The following TSPAN13 variants were observed in gnomAD, a reference collection of about 807,000 sequenced individuals.
The protein encoded by TSPAN13 is tetraspanin-13.
A neutral mutation model predicts 26.9 loss-of-function variants in TSPAN13; 18 were observed. The ratio of observed to expected loss-of-function variants is 0.67; its 90% CI spans 0.46 to 0.99. The LOEUF is 0.99. Among genes scored for constraint, TSPAN13 ranks in the 50% least tolerant of loss-of-function variants. The pLI is 0.00. For synonymous variants in TSPAN13, 116 were observed against 98.4 expected (o/e 1.18, Z -1.06); for missense variants, 201 against 249.6 (o/e 0.81, Z 1.31).
intron 5 of TSPAN13, among the ~76,000 whole-genome samples, chr7:16,780,060 C>G (rs1282192092): frequency 6.6e-6 from 1 of 151,634 alleles, no homozygotes. Flanking sequence ...CATGAGCCAC[C>G]GTGCCTGGCC....
At chr7:16,775,970 G>GT (rs1377967060) in intron 1 of TSPAN13, 1 of 399,410 alleles carries the variant, frequency 2.5e-6, no homozygotes, top group African/African-American at 2.0e-5. Flanking sequence ...AGAATTTTGC[G>GT]TATTATCAGT....
intron 4 of TSPAN13, among the ~76,000 whole-genome samples, chr7:16,778,558 G>A (rs1562521225): frequency 6.6e-6 from 1 of 152,196 alleles, no homozygotes; most frequent in Non-Finnish European, 1.5e-5. Flanking sequence ...TTCAGTCTTT[G>A]TGGCTGTGGG....
intron 1 of TSPAN13, chr7:16,775,981 C>CTTTT: frequency 2.5e-6 from 1 of 405,556 alleles, no homozygotes. Flanking sequence ...TATTATCAGT[C>CTTTT]TTTTTTTTTC....
chr7:16,770,934 A>G (rs1176772668), intron 1 of TSPAN13, among the ~76,000 whole-genome samples: 1 of 152,136 alleles, frequency 6.6e-6, no homozygotes, highest in African/African-American at 2.4e-5. Context: ...TTTTGAAGAG[A>G]CTGAAAAGTC....
rs767409213 is a variant in TSPAN13 at position 16,753,959 on chromosome 7, G to A, written c.-9G>A. 45 of 1,612,182 alleles carry A rather than the reference G, an allele frequency of 2.8e-5. No individual in the cohort carries two copies. Among genetic ancestry groups the A allele is most frequent in the Non-Finnish European group, 3.1e-5 (37 of 1,179,240 alleles). On this transcript the variant is annotated 5_prime_UTR_variant, in exon 1 of 6. Coordinates refer to ENST00000262067, the MANE Select transcript of TSPAN13 (RefSeq NM_014399.4). Reference sequence around the variant, plus strand: ...TTACGTGCAGCTGCCGGCAACCACAGGTTCCAAGATGGTTTGCGGGGGCTT... The same window carrying A: ...TTACGTGCAGCTGCCGGCAACCACAAGTTCCAAGATGGTTTGCGGGGGCTT...
chr7:16,761,554 T>C (rs1336130454), intron 1 of TSPAN13, among the ~76,000 whole-genome samples: 3 of 152,106 alleles, frequency 2.0e-5, no homozygotes, highest in Non-Finnish European at 2.9e-5. Context: ...GGTCTCACTC[T>C]GTCACTAAGG....
rs1158350910 is a variant in TSPAN13, at chr7:16,783,637, T to G, written c.*146T>G. ...AGTGGAATTATATATTTTTACTCTATGTTTCTCTACATGTTTTTTTCTTTC... is the reference window on the plus strand; with the variant it reads ...AGTGGAATTATATATTTTTACTCTAGGTTTCTCTACATGTTTTTTTCTTTC... On this transcript the variant is annotated 3_prime_UTR_variant, in exon 6 of 6. Transcript: ENST00000262067. 1.1e-5 allele frequency: 8 copies of G among 746,430 alleles called. No homozygotes were observed. In the Admixed American group the frequency reaches 2.0e-4, roughly 18 times the overall value. The allele number at this position is 746,430 out of a possible 1,614,324, so 46.2% of individuals were successfully genotyped here. A position where few individuals can be genotyped will look rare whatever the true frequency, so the allele number is the denominator to read the frequency against.
At chr7:16,767,493 A>G (rs928998924) in intron 1 of TSPAN13, among the ~76,000 whole-genome samples, 1 of 152,188 alleles carries the variant, frequency 6.6e-6, no homozygotes, top group Non-Finnish European at 1.5e-5. Context: ...TTTTTACTGT[A>G]ACAAACAAGG....
intron 1 of TSPAN13, among the ~76,000 whole-genome samples, chr7:16,772,337 G>C (rs1024976253): frequency 3.3e-5 from 5 of 152,054 alleles, no homozygotes; most frequent in African/African-American, 1.2e-4. Context: ...TTCTTTTCTA[G>C]GACTGCTGTA....
chr7:16,773,116 CA>C lies in TSPAN13; in HGVS notation c.64-3094del, dbSNP rs373322648. On this transcript the variant is annotated intron_variant, in intron 1 of 5. Transcript: ENST00000262067. ...TGTTTATCTGAATTTTTTTGTGTGT[CA>C]GGGGGAGATTATTGTTCTATACTCT... 2.9e-3 allele frequency among the ~76,000 whole-genome samples: 440 copies of C among 149,654 alleles called. 5 individuals are homozygous for C. The highest frequency in any genetic ancestry group is 9.1e-3 in the African/African-American group (368 of 40,220).
intron 1 of TSPAN13, among the ~76,000 whole-genome samples, chr7:16,764,432 T>C (rs965482752): frequency 6.6e-6 from 1 of 152,160 alleles, no homozygotes; most frequent in African/African-American, 2.4e-5. Context: ...ATCTCAAATA[T>C]ATTAAGTTTC....
chr7:16,775,121 T>C (rs181244685), intron 1 of TSPAN13, among the ~76,000 whole-genome samples: 11 of 152,328 alleles, frequency 7.2e-5, no homozygotes, highest in Admixed American at 7.2e-4. Context: ...CCTAATTGGG[T>C]ATTATGCTGT....
At position 16,753,919 on chromosome 7, in the gene TSPAN13, C is replaced by G. The variant is rs1010775394; in HGVS notation, c.-49C>G. ...GGACAAAGCAGCTGTCAGGGAACCT[C>G]CGCCGGAGTCGAATTTACGTGCAGC... is the stretch of plus-strand genomic sequence containing the variant. On this transcript the variant is annotated 5_prime_UTR_variant, in exon 1 of 6. Transcript: ENST00000262067. The G allele has an allele frequency of 1.5e-5, 23 of 1,586,106 alleles. No homozygotes were observed. The highest frequency in any genetic ancestry group is 2.0e-5 in the Non-Finnish European group (23 of 1,163,108).
At chr7:16,776,862 G>A (rs1784757246) in intron 2 of TSPAN13, among the ~76,000 whole-genome samples, 180 bp from the exon 3 acceptor site, 1 of 152,068 alleles carries the variant, frequency 6.6e-6, no homozygotes, top group Non-Finnish European at 1.5e-5. Flanking sequence ...TAAATTTGAT[G>A]CAACTATGTA....
intron 1 of TSPAN13, among the ~76,000 whole-genome samples, chr7:16,756,517 C>T (rs987639494): frequency 4.6e-5 from 7 of 152,118 alleles, no homozygotes; most frequent in Admixed American, 6.5e-5. Flanking sequence ...TGCTGATGAG[C>T]CTGAGATTCG....
chr7:16,755,659 A>G (rs1784474445), intron 1 of TSPAN13, among the ~76,000 whole-genome samples: 1 of 151,484 alleles, frequency 6.6e-6, no homozygotes, highest in Non-Finnish European at 1.5e-5. Flanking sequence ...TTTGCCAGAC[A>G]CTTAGTCTTA....
chr7:16,782,839 A>T (rs930195056), intron 5 of TSPAN13, among the ~76,000 whole-genome samples: 1 of 152,228 alleles, frequency 6.6e-6, no homozygotes, highest in African/African-American at 2.4e-5. Flanking sequence ...GTTACCACAC[A>T]CATAGTTGCT....
rs572851762 is a variant in TSPAN13 at position 16,783,298 on chromosome 7, G to A, written c.541-119G>A. 3.0e-4 allele frequency: 293 copies of A among 985,606 alleles called. No homozygotes were observed. In the Middle Eastern group the frequency reaches 3.9e-3, roughly 13 times the overall value. The allele number at this position is 985,606 out of a possible 1,614,324, so 61.1% of individuals were successfully genotyped here. ...TCAAAAAGAAAAAAAATCTCTCCCC[G>A]TTGAACAAAAGATGCAAAGCGATTG... On this transcript the variant is annotated intron_variant, in intron 5 of 5. Coordinates refer to ENST00000262067, the MANE Select transcript of TSPAN13 (RefSeq NM_014399.4).
In TSPAN13 at chr7:16,776,213, G is replaced by A; in HGVS notation, c.66G>A (p.Leu22=). The A allele has an allele frequency of 6.2e-7, 1 of 1,613,388 alleles. No homozygotes were observed. Among genetic ancestry groups the A allele is most frequent in the Non-Finnish European group, 8.5e-7 (1 of 1,179,642 alleles). The change falls in exon 2 of 6, where the codon TTG becomes TTA. Residue 22 remains leucine (L), a splice_region_variant and synonymous_variant. Transcript: ENST00000262067. Reference sequence around the variant, plus strand: ...CTGCCCCCTGGGTGTTTTTGCAGTTGGTTAGTCTGCTGCTAATTGGAATTG... The same window carrying A: ...CTGCCCCCTGGGTGTTTTTGCAGTTAGTTAGTCTGCTGCTAATTGGAATTG... ...CLCALNLLYT[L]VSLLLIGIAA...
Sources: allele counts gnomAD v4.1 joint callset (sites outside exome capture counted in the v4.1 genomes callset), GRCh38; gene constraint gnomAD v4.1.1; transcripts MANE v1.5; gene names NCBI Gene and HGNC (gene_info 2026-07-23, HGNC 2026-07-21).